DBX2: variants seen among roughly 807,000 people sequenced by gnomAD.
The protein encoded by DBX2 is developing brain homeobox 2.
DBX2 carries 16 observed loss-of-function variants against 17.7 expected under a neutral mutation model. That is an observed-to-expected ratio of 0.90 (90% CI 0.61 to 1.37). The LOEUF (loss-of-function observed/expected upper bound fraction) is 1.37, where lower values mean the gene tolerates loss of function less well. Among genes scored for constraint, DBX2 ranks in the 40% most tolerant of loss-of-function variants. The pLI, the probability that DBX2 is intolerant of heterozygous loss-of-function variation, is 0.00. For synonymous variants in DBX2, 255 were observed against 183.8 expected (o/e 1.39, Z -3.13); for missense variants, 538 against 433.8 (o/e 1.24, Z -2.13).
In DBX2 at chr12:45,031,225, T is replaced by TGTGTGTGTGTGA. The variant is rs1377897653; in HGVS notation, c.499+4793_499+4794insTCACACACACAC. Among the ~76,000 whole-genome samples the TGTGTGTGTGTGA allele has an allele frequency of 7.5e-3, 639 of 85,622 alleles. 7 individuals are homozygous for TGTGTGTGTGTGA. Among genetic ancestry groups the TGTGTGTGTGTGA allele is most frequent in the African/African-American group, 0.024 (522 of 21,722 alleles). 56.2% of individuals were successfully genotyped at this position (85,622 alleles called of 152,430 possible). ...GTGTGTGTGTGTGTGTGTGTGTGTG[T>TGTGTGTGTGTGA]GAGAGAGAGAGAGAGAGAGAGAGAG... On this transcript the variant is annotated intron_variant, in intron 2 of 3. Transcript: ENST00000332700.
chr12:45,032,757 T>C (rs1946417036), intron 2 of DBX2, among the ~76,000 whole-genome samples: 1 of 152,202 alleles, frequency 6.6e-6, no homozygotes, highest in African/African-American at 2.4e-5. Context: ...TTAACCTTTG[T>C]CTTTTAAGGC....
rs756176101 is a variant in DBX2 at position 45,036,091 on chromosome 12, T to C, written c.427A>G (p.Ser143Gly). 1 of 1,613,176 alleles carries C rather than the reference T, an allele frequency of 6.2e-7. No homozygotes were observed. Residue 143 changes from serine (S) to glycine (G), a missense_variant, in exon 2 of 4, where the codon AGC becomes GGC. Physicochemically the swap from Ser to Gly is moderately conservative, Grantham distance 56. Transcript: ENST00000332700. ...CACGCCGAGTAGAATGGCGGGGTGC[T>C]CAGAAGGAAAGGTTTGGAAGGTGCT... ...APAPSKPFLL[S>G]TPPFYSACCG...
At chr12:45,045,732 G>GT (rs1392721046) in intron 1 of DBX2, among the ~76,000 whole-genome samples, 4 of 152,042 alleles carry the variant, frequency 2.6e-5, no homozygotes, top group Non-Finnish European at 5.9e-5. Context: ...TTGTTTGTTT[G>GT]TTTTTTAGAC....
At chr12:45,037,568 T>C (rs1295736192) in intron 1 of DBX2, among the ~76,000 whole-genome samples, 1 of 152,154 alleles carries the variant, frequency 6.6e-6, no homozygotes, top group Non-Finnish European at 1.5e-5. Flanking sequence ...TATTCTTTCA[T>C]ATTCAAGGGA....
At chr12:45,046,095 T>C (rs896960538) in intron 1 of DBX2, among the ~76,000 whole-genome samples, 5 of 152,120 alleles carry the variant, frequency 3.3e-5, no homozygotes, top group Non-Finnish European at 7.4e-5. Context: ...AAGAGAAGCA[T>C]GTGTTGGGGC....
intron 3 of DBX2, among the ~76,000 whole-genome samples, chr12:45,018,388 A>C (rs1451341643): frequency 6.6e-6 from 1 of 152,196 alleles, no homozygotes; most frequent in East Asian, 1.9e-4. Flanking sequence ...GTGTTGAGAC[A>C]AATGCATATT....
At chr12:45,048,990 G>T (rs1250701460) in intron 1 of DBX2, among the ~76,000 whole-genome samples, 2 of 152,080 alleles carry the variant, frequency 1.3e-5, no homozygotes, top group African/African-American at 4.8e-5. Flanking sequence ...AATGTACTTA[G>T]GAAAACTTTT....
At chr12:45,035,762 T>C (rs1330292102) in intron 2 of DBX2, among the ~76,000 whole-genome samples, 1 of 152,192 alleles carries the variant, frequency 6.6e-6, no homozygotes, top group Admixed American at 6.5e-5. Flanking sequence ...CGAGATCTTT[T>C]ATATCAAATG....
intron 2 of DBX2, among the ~76,000 whole-genome samples, chr12:45,033,499 TAAA>T (rs903276433): frequency 2.4e-4 from 36 of 152,248 alleles, no homozygotes; most frequent in African/African-American, 8.2e-4. Flanking sequence ...TGCCTTAAAT[TAAA>T]GAAGATTATT....
chr12:45,014,785 T>C lies in DBX2; in HGVS notation c.*1501A>G, dbSNP rs2137015351. 1 of 152,320 alleles carries C rather than the reference T, an allele frequency of 6.6e-6. No individual in the cohort carries two copies. The highest frequency in any genetic ancestry group is 1.9e-4 in the East Asian group (1 of 5,188). The allele number at this position is 152,320 out of a possible 1,614,324, so 9.4% of individuals were successfully genotyped here. The stretch of plus-strand genomic sequence containing the variant: ...AATGACTTTTAAGTAAAAGATCATG[T>C]GGTAAAGACACAGGTTGACATACCA... On this transcript the variant is annotated 3_prime_UTR_variant, in exon 4 of 4. Transcript: ENST00000332700.
intron 1 of DBX2, among the ~76,000 whole-genome samples, chr12:45,036,425 T>C (rs939584269): frequency 2.0e-5 from 3 of 152,152 alleles, no homozygotes; most frequent in Non-Finnish European, 4.4e-5. Flanking sequence ...AGAACAACAC[T>C]GTCCAAGAAA....
rs376057741 is a variant in DBX2, at chr12:45,036,599, T to C, written c.404-485A>G. Among the ~76,000 whole-genome samples, 15 of 152,338 alleles carry C rather than the reference T, an allele frequency of 9.8e-5. No individual in the cohort carries two copies. The South Asian group carries it at 1.7e-3, about 17-fold the overall frequency. On this transcript the variant is annotated intron_variant, in intron 1 of 3. Transcript: ENST00000332700. ...AATAGACTCATACGACTAGGGATTA[T>C]ATTAAATAGCACAGCTCTAGATATC...
intron 2 of DBX2, 116 bp downstream of exon 2, chr12:45,035,903 G>T (rs1460373048): frequency 2.1e-6 from 2 of 941,966 alleles, no homozygotes; most frequent in African/African-American, 1.7e-5. Flanking sequence ...GTGACTTTTA[G>T]TGAGGAATTA....
rs763795492 is a variant in DBX2 at position 45,023,757 on chromosome 12, T to C, written c.637A>G (p.Lys213Glu). 1.6e-5 allele frequency: 26 copies of C among 1,614,190 alleles called. No individual in the cohort carries two copies. In the East Asian group the frequency reaches 5.8e-4, roughly 36 times the overall value. ...KMFQKQKYIS[K>E]TDRKKLAINL... ...ATGGCAAGTTTCTTTCGGTCTGTTTTGCTGATATATTTCTGTTTCTGAAAC... is the reference window on the plus strand; with the variant it reads ...ATGGCAAGTTTCTTTCGGTCTGTTTCGCTGATATATTTCTGTTTCTGAAAC... The change falls in exon 3 of 4, where the codon AAA (lysine) becomes GAA (glutamate). Residue 213 changes from lysine to glutamate, a missense_variant. Coordinates refer to ENST00000332700, the MANE Select transcript of DBX2 (RefSeq NM_001004329.3).
intron 1 of DBX2, among the ~76,000 whole-genome samples, chr12:45,042,133 T>C (rs1294717987): frequency 6.6e-6 from 1 of 152,148 alleles, no homozygotes; most frequent in Non-Finnish European, 1.5e-5. Flanking sequence ...TAGGTGATTA[T>C]AATATAAAGC....
At chr12:45,022,706 A>G (rs1056546638) in intron 3 of DBX2, among the ~76,000 whole-genome samples, 2 of 152,198 alleles carry the variant, frequency 1.3e-5, no homozygotes, top group African/African-American at 4.8e-5. Context: ...CTAACCCTTT[A>G]GTCCCTTTAT....
intron 1 of DBX2, among the ~76,000 whole-genome samples, chr12:45,043,228 C>G (rs1247657544): frequency 6.6e-6 from 1 of 152,128 alleles, no homozygotes. Flanking sequence ...AAGGTGAGGT[C>G]TGTTTCTTCT....
intron 1 of DBX2, among the ~76,000 whole-genome samples, chr12:45,036,499 T>C (rs558121001): frequency 6.6e-6 from 1 of 152,214 alleles, no homozygotes; most frequent in African/African-American, 2.4e-5. Context: ...GCTACCCACA[T>C]ACAGCTACTG....
At chr12:45,022,595 C>T (rs548033573) in intron 3 of DBX2, among the ~76,000 whole-genome samples, 40 of 152,218 alleles carry the variant, frequency 2.6e-4, no homozygotes, top group East Asian at 1.4e-3. Flanking sequence ...TGAGCCACCG[C>T]GCCCGGCCAA....
Sources: gnomAD v4.1 joint callset for allele counts (sites outside exome capture counted in the v4.1 genomes callset) on GRCh38, gnomAD v4.1.1 for gene constraint, MANE v1.5 for transcripts, NCBI Gene and HGNC (gene_info 2026-07-23, HGNC 2026-07-21) for gene names.